DSCAM: variants seen among roughly 807,000 people sequenced by gnomAD.
The protein encoded by DSCAM is DS cell adhesion molecule.
A neutral mutation model predicts 217.7 loss-of-function variants in DSCAM; 47 were observed. That is an observed-to-expected ratio of 0.22 (90% confidence interval 0.17 to 0.28). The LOEUF (loss-of-function observed/expected upper bound fraction) is 0.28, where lower values mean the gene tolerates loss of function less well. DSCAM is among the 10% of genes least tolerant of loss of function. The probability of loss-of-function intolerance (pLI) is 1.00; values close to 1 mark genes in which losing one functional copy is unlikely to be tolerated. For missense variants in DSCAM, 2,080 were observed against 2,618.3 expected (o/e 0.79, Z 4.49); for synonymous variants, 1,056 against 1,015.3 (o/e 1.04, Z -0.76).
At chr21:40,797,953 A>G (rs2091706383) in intron 1 of DSCAM, among the ~76,000 whole-genome samples, 1 of 152,186 alleles carries the variant, frequency 6.6e-6, no homozygotes, top group Non-Finnish European at 1.5e-5. Flanking sequence ...GGACAAAAAA[A>G]AAAAGATCCT....
chr21:40,373,152 A>G (rs1290125377), intron 3 of DSCAM, among the ~76,000 whole-genome samples: 2 of 152,216 alleles, frequency 1.3e-5, no homozygotes, highest in African/African-American at 4.8e-5. Flanking sequence ...GGCAGATATT[A>G]AAATAGCAGC....
At chr21:40,103,793 C>CAT (rs756276473) in intron 20 of DSCAM, among the ~76,000 whole-genome samples, 59 of 146,938 alleles carry the variant, frequency 4.0e-4, no homozygotes, top group South Asian at 6.5e-4. Flanking sequence ...TATATATGAC[C>CAT]ATATATATAT....
At chr21:40,379,286 T>C (rs1172618950) in intron 3 of DSCAM, among the ~76,000 whole-genome samples, 1 of 152,192 alleles carries the variant, frequency 6.6e-6, no homozygotes, top group Non-Finnish European at 1.5e-5. Flanking sequence ...GTAGTTAAAA[T>C]GTATTTTGGA....
intron 3 of DSCAM, among the ~76,000 whole-genome samples, chr21:40,576,224 T>G (rs1811060388): frequency 6.6e-6 from 1 of 152,182 alleles, no homozygotes; most frequent in Non-Finnish European, 1.5e-5. Flanking sequence ...ATAGGAAAAA[T>G]GTTTAGAAAA....
At chr21:40,235,347 CA>C (rs1190228640) in intron 11 of DSCAM, among the ~76,000 whole-genome samples, 3 of 152,140 alleles carry the variant, frequency 2.0e-5, no homozygotes, top group Non-Finnish European at 4.4e-5. Flanking sequence ...TAGGAAAACA[CA>C]AGAGAGGAAG....
chr21:40,516,287 AC>A (rs1335728701), intron 3 of DSCAM, among the ~76,000 whole-genome samples: 5 of 152,192 alleles, frequency 3.3e-5, no homozygotes, highest in Non-Finnish European at 1.5e-5. Context: ...CTGCTGAAAT[AC>A]AAATTATCTG....
rs1221047185 is a variant in DSCAM, at chr21:40,124,246, C to T, written c.3645G>A (p.Leu1215=). Residue 1215 remains leucine (L), a synonymous_variant, in exon 20 of 33, where the codon CTG becomes CTA. Coordinates refer to ENST00000400454, the MANE Select transcript of DSCAM (RefSeq NM_001389.5). ...VFVSWLPPLK[L]NGIIRKYTVF... is the part of the protein sequence containing the mutation. ...CAGTGTACTTTCGGATGATGCCGTT[C>T]AGCTTGAGAGGGGGAAGCCAGGACA... 6.2e-7 allele frequency: 1 copy of T among 1,613,924 alleles called. No homozygotes were observed.
intron 3 of DSCAM, among the ~76,000 whole-genome samples, chr21:40,625,687 A>G (rs1210831457): frequency 6.6e-6 from 1 of 152,174 alleles, no homozygotes; most frequent in Non-Finnish European, 1.5e-5. Context: ...TCTTTCTTGT[A>G]TCTGCACCAC....
At chr21:40,724,274 A>G (rs1382799133) in intron 1 of DSCAM, among the ~76,000 whole-genome samples, 1 of 152,226 alleles carries the variant, frequency 6.6e-6, no homozygotes, top group African/African-American at 2.4e-5. Flanking sequence ...ACAGGCAGTA[A>G]AGCACATGAA....
At chr21:40,341,371 T>A (rs137984610) in intron 6 of DSCAM, among the ~76,000 whole-genome samples, 6 of 152,346 alleles carry the variant, frequency 3.9e-5, no homozygotes, top group African/African-American at 1.4e-4. Context: ...GCTGTAGATT[T>A]CTTTTCACTG....
intron 3 of DSCAM, among the ~76,000 whole-genome samples, chr21:40,636,196 C>T (rs962581252): frequency 3.3e-5 from 5 of 151,984 alleles, no homozygotes; most frequent in Admixed American, 6.6e-5. Context: ...CCAGCTGGCG[C>T]GCACAACCAA....
chr21:40,381,989 T>C (rs1200994435), intron 3 of DSCAM, among the ~76,000 whole-genome samples: 1 of 152,216 alleles, frequency 6.6e-6, no homozygotes, highest in Non-Finnish European at 1.5e-5. Flanking sequence ...AGTTCTAAGA[T>C]AAAATGTCTT....
intron 1 of DSCAM, among the ~76,000 whole-genome samples, chr21:40,741,746 C>T (rs2091126302): frequency 6.6e-6 from 1 of 152,208 alleles, no homozygotes; most frequent in South Asian, 2.1e-4. Flanking sequence ...GAATGTCTGT[C>T]AATAGGATCT....
At chr21:40,515,711 G>A (rs111769771) in intron 3 of DSCAM, among the ~76,000 whole-genome samples, 13 of 152,082 alleles carry the variant, frequency 8.5e-5, no homozygotes, top group Admixed American at 6.6e-4. Context: ...CTTTATTCCC[G>A]GGTGCACAAG....
At chr21:40,370,885 G>A (rs8128115) in intron 3 of DSCAM, among the ~76,000 whole-genome samples, 8,054 of 152,144 alleles carry the variant, frequency 0.053, 402 homozygotes, top group African/African-American at 0.13. Flanking sequence ...GCCTCCCAAA[G>A]TGCCAGGGAG....
At chr21:40,426,915 A>G (rs902175443) in intron 3 of DSCAM, among the ~76,000 whole-genome samples, 1 of 151,884 alleles carries the variant, frequency 6.6e-6, no homozygotes, top group Non-Finnish European at 1.5e-5. Context: ...AACACTTTGA[A>G]AAAAAAATCT....
intron 3 of DSCAM, among the ~76,000 whole-genome samples, chr21:40,591,276 G>C (rs193235635): frequency 1.3e-5 from 2 of 152,274 alleles, no homozygotes; most frequent in East Asian, 1.9e-4. Flanking sequence ...TAATTACCCA[G>C]TCTGGAAACA....
intron 11 of DSCAM, among the ~76,000 whole-genome samples, chr21:40,199,252 C>T (rs1476614785): frequency 6.6e-6 from 1 of 152,182 alleles, no homozygotes; most frequent in Admixed American, 6.5e-5. Flanking sequence ...CCTTACATCA[C>T]CTGGGAGCCA....
chr21:40,076,917 T>G lies in DSCAM; in HGVS notation c.4712-1704A>C, dbSNP rs149572723. Among the ~76,000 whole-genome samples, 434 of 152,340 alleles carry G rather than the reference T, an allele frequency of 2.8e-3. 1 individual carries two copies. Among genetic ancestry groups the G allele is most frequent in the Non-Finnish European group, 5.0e-3 (338 of 68,036 alleles). ...AGGATTTTGGTGCACCCTTAAATGC[T>G]AAGTAAAGTGTCTGGTAAGTGTCAA... On this transcript the variant is annotated intron_variant, in intron 26 of 32. Coordinates refer to ENST00000400454, the MANE Select transcript of DSCAM (RefSeq NM_001389.5).
Sources: allele counts gnomAD v4.1 joint callset (sites outside exome capture counted in the v4.1 genomes callset), GRCh38; gene constraint gnomAD v4.1.1; transcripts MANE v1.5; gene names NCBI Gene and HGNC (gene_info 2026-07-23, HGNC 2026-07-21).